The following ATP11B variants were observed in gnomAD, a reference collection of about 807,000 sequenced individuals.
ATP11B encodes ATPase phospholipid transporting 11B (putative).
A neutral mutation model predicts 157.8 loss-of-function variants in ATP11B; 81 were observed. The observed-to-expected ratio is 0.51, with a 90% CI of 0.43 to 0.62. ATP11B has a LOEUF of 0.62. Ranked by LOEUF, ATP11B falls within the 20% of genes least tolerant of loss-of-function variation. The pLI is 0.00. For missense variants in ATP11B, 1,165 were observed against 1,402.2 expected, an observed-to-expected ratio of 0.83 and a Z score of 2.70; for synonymous variants, 451 against 469.4, an observed-to-expected ratio of 0.96 and a Z score of 0.51.
chr3:182,887,497 A>T, intron 23 of ATP11B, 89 bp from the exon 24 acceptor site: 1 of 1,136,036 alleles, frequency 8.8e-7, no homozygotes, highest in Non-Finnish European at 1.2e-6. Flanking sequence ...TTAAAACTTT[A>T]ATTTTGTTTT....
intron 29 of ATP11B, chr3:182,915,745 C>T: frequency 1.0e-6 from 1 of 985,236 alleles, no homozygotes; most frequent in Non-Finnish European, 1.2e-6. Context: ...TTTGATGCAG[C>T]ATTACCTCTT....
At chr3:182,901,405 T>G (rs1478639032) in intron 28 of ATP11B, among the ~76,000 whole-genome samples, 1 of 151,822 alleles carries the variant, frequency 6.6e-6, no homozygotes, top group Non-Finnish European at 1.5e-5. Context: ...TCAGTATCCT[T>G]TATCCAAAGT....
At chr3:182,900,919 C>G (rs537329971) in intron 28 of ATP11B, among the ~76,000 whole-genome samples, 1 of 152,088 alleles carries the variant, frequency 6.6e-6, no homozygotes, top group South Asian at 2.1e-4. Flanking sequence ...TGGTGGCTCA[C>G]GCTTGTAACC....
chr3:182,802,178 C>T (rs1716056011), intron 1 of ATP11B, among the ~76,000 whole-genome samples: 1 of 152,136 alleles, frequency 6.6e-6, no homozygotes, highest in Non-Finnish European at 1.5e-5. Flanking sequence ...TATCCAGAAC[C>T]ATTTCTCTCG....
rs77296286 is a variant in ATP11B, at chr3:182,896,790, G to A, written c.3048+25G>A. 1,388 of 1,586,896 alleles carry A rather than the reference G, an allele frequency of 8.7e-4. 9 individuals are homozygous for A. In the African/African-American group the frequency reaches 0.017, roughly 19 times the overall value. ...GGTATGGTACTGAAATTAGAAATGT[G>A]GACACATTTTGCAACTGTTTACATA... On this transcript the variant is annotated intron_variant, in intron 26 of 29. Coordinates refer to ENST00000323116, the MANE Select transcript of ATP11B (RefSeq NM_014616.3).
intron 10 of ATP11B, among the ~76,000 whole-genome samples, chr3:182,854,737 A>G (rs557500908): frequency 6.6e-6 from 1 of 150,812 alleles, no homozygotes; most frequent in African/African-American, 2.4e-5. Context: ...TATATAATAT[A>G]TATGTGCATG....
intron 2 of ATP11B, among the ~76,000 whole-genome samples, chr3:182,824,818 A>G (rs1717607840): frequency 6.6e-6 from 1 of 152,232 alleles, no homozygotes; most frequent in Non-Finnish European, 1.5e-5. Context: ...GTTATTCCAC[A>G]AACTCATGTT....
chr3:182,853,415 G>T (rs182795886), intron 10 of ATP11B, among the ~76,000 whole-genome samples: 1 of 152,004 alleles, frequency 6.6e-6, no homozygotes, highest in South Asian at 2.1e-4. Context: ...CACCATGTTG[G>T]CCAGGATGTC....
chr3:182,911,477 C>A (rs1417756854), intron 28 of ATP11B, among the ~76,000 whole-genome samples: 1 of 151,994 alleles, frequency 6.6e-6, no homozygotes, highest in Non-Finnish European at 1.5e-5. Context: ...AAGATTCAAG[C>A]CCCAGATTAA....
intron 1 of ATP11B, among the ~76,000 whole-genome samples, chr3:182,798,622 A>G (rs923273549): frequency 6.6e-6 from 1 of 152,258 alleles, no homozygotes; most frequent in African/African-American, 2.4e-5. Flanking sequence ...ACCTTGCTCC[A>G]GATCCTCTAA....
rs183148510 is a variant in ATP11B, at chr3:182,904,503, C to T, written c.3318+5731C>T. Among the ~76,000 whole-genome samples the T allele has an allele frequency of 8.5e-5, 13 of 152,294 alleles. No individual in the cohort carries two copies. In the East Asian group the frequency reaches 1.7e-3, roughly 20 times the overall value. ...ATTCCGTGGGTGTGATCCATAATAG[C>T]GTAACTATTTACGCCTGTGACAGAG... On this transcript the variant is annotated intron_variant, in intron 28 of 29. Transcript: ENST00000323116.
intron 25 of ATP11B, among the ~76,000 whole-genome samples, chr3:182,892,318 C>T (rs1164265745): frequency 6.6e-6 from 1 of 152,130 alleles, no homozygotes; most frequent in Non-Finnish European, 1.5e-5. Context: ...CTGTCTAGGC[C>T]GCGTCTCATT....
At chr3:182,902,336 T>C (rs973995066) in intron 28 of ATP11B, 3 of 232,414 alleles carry the variant, frequency 1.3e-5, no homozygotes, top group Non-Finnish European at 2.6e-5. Context: ...CTACAAATGT[T>C]AGTCATGTAT....
chr3:182,870,086 G>A (rs886506462), intron 17 of ATP11B, among the ~76,000 whole-genome samples: 1 of 152,172 alleles, frequency 6.6e-6, no homozygotes. Flanking sequence ...TGATTGCCAG[G>A]GGCTGGAGGA....
At chr3:182,917,687 C>T in intron 29 of ATP11B, 1 of 985,256 alleles carries the variant, frequency 1.0e-6, no homozygotes, top group Non-Finnish European at 1.2e-6. Context: ...TTCAGTAAAA[C>T]AATGTGCATA....
At chr3:182,879,004 G>T (rs568297125) in intron 19 of ATP11B, among the ~76,000 whole-genome samples, 1 of 152,090 alleles carries the variant, frequency 6.6e-6, no homozygotes, top group Non-Finnish European at 1.5e-5. Context: ...TGGGCACAGC[G>T]GCTCACACCT....
chr3:182,866,324 T>C lies in ATP11B; in HGVS notation c.1500T>C (p.Ile500=), dbSNP rs1370913218. 1 of 1,613,784 alleles carries C rather than the reference T, an allele frequency of 6.2e-7. No individual in the cohort carries two copies. Among genetic ancestry groups the C allele is most frequent in the East Asian group, 2.2e-5 (1 of 44,872 alleles). ...TCAGTCTCTGTCACACTGTACAGATTAGCAATGTTCAAACTGACTGCACTG... is the reference window on the plus strand; with the variant it reads ...TCAGTCTCTGTCACACTGTACAGATCAGCAATGTTCAAACTGACTGCACTG... ...KAVSLCHTVQ[I]SNVQTDCTGD... Residue 500 remains isoleucine (I), a synonymous_variant, in exon 14 of 30, where the codon ATT becomes ATC. Coordinates refer to ENST00000323116, the MANE Select transcript of ATP11B (RefSeq NM_014616.3).
In ATP11B at chr3:182,914,446, G is replaced by T. The variant is rs577975160; in HGVS notation, c.3452+452G>T. 331 of 985,168 alleles carry T rather than the reference G, an allele frequency of 3.4e-4. No individual in the cohort carries two copies. In the Middle Eastern group the frequency reaches 9.9e-3, roughly 30 times the overall value. The allele number at this position is 985,168 out of a possible 1,614,324, so 61.0% of individuals were successfully genotyped here. A position where few individuals can be genotyped will look rare whatever the true frequency, so the allele number is the denominator to read the frequency against. ...TCTTACTCTGTATGTATATTTTCCA[G>T]TTGGTTATTTGAGGCTTTGAGGTAT... On this transcript the variant is annotated intron_variant, in intron 29 of 29. Coordinates refer to ENST00000323116, the MANE Select transcript of ATP11B (RefSeq NM_014616.3).
chr3:182,915,949 C>T, intron 29 of ATP11B: 2 of 983,062 alleles, frequency 2.0e-6, no homozygotes, highest in Non-Finnish European at 2.4e-6. Flanking sequence ...GTTTCTCCAA[C>T]ATCACAGGTT....
Sources: gnomAD v4.1 joint callset for allele counts (sites outside exome capture counted in the v4.1 genomes callset) on GRCh38, gnomAD v4.1.1 for gene constraint, MANE v1.5 for transcripts, NCBI Gene and HGNC (gene_info 2026-07-23, HGNC 2026-07-21) for gene names.